ERBIN: variants seen among roughly 807,000 people sequenced by gnomAD.
The protein encoded by ERBIN is densin-180-like protein.
Under a neutral mutation model 158.4 loss-of-function variants are expected in ERBIN, and 60 were observed. That is an observed-to-expected ratio of 0.38 (90% CI 0.31 to 0.47). The LOEUF is 0.47. Among genes scored for constraint, ERBIN ranks in the 20% least tolerant of loss-of-function variants. The pLI, the probability that ERBIN is intolerant of heterozygous loss-of-function variation, is 0.99. For synonymous variants in ERBIN, 594 were observed against 557.2 expected (o/e 1.07, Z -0.93); for missense variants, 1,610 against 1,648.0 (o/e 0.98, Z 0.40).
intron 14 of ERBIN, among the ~76,000 whole-genome samples, chr5:66,037,876 A>G (rs1313611783): frequency 6.6e-6 from 1 of 152,156 alleles, no homozygotes; most frequent in Admixed American, 6.5e-5. Context: ...TACTGTAGAC[A>G]GGATACACAA....
chr5:65,927,869 T>G (rs1742854211), intron 1 of ERBIN, among the ~76,000 whole-genome samples: 1 of 152,206 alleles, frequency 6.6e-6, no homozygotes, highest in Non-Finnish European at 1.5e-5. Flanking sequence ...ACCCAAAGTT[T>G]TTTTCAGTGG....
chr5:65,996,493 G>A (rs960520683), intron 4 of ERBIN, among the ~76,000 whole-genome samples: 2 of 151,928 alleles, frequency 1.3e-5, no homozygotes, highest in African/African-American at 4.8e-5. Flanking sequence ...CTGTTCCATT[G>A]GTCTGTCTGT....
chr5:66,016,645 T>G (rs1055924800), intron 7 of ERBIN, among the ~76,000 whole-genome samples: 2 of 148,784 alleles, frequency 1.3e-5, no homozygotes, highest in African/African-American at 5.0e-5. Context: ...ACGGAGTCTC[T>G]CTCTGTCGCC....
At chr5:66,051,907 A>AAAAAAG (rs1554065281) in intron 20 of ERBIN, among the ~76,000 whole-genome samples, 1 of 148,770 alleles carries the variant, frequency 6.7e-6, no homozygotes, top group African/African-American at 2.6e-5. Context: ...AAAAAAAAAA[A>AAAAAAG]AGAGACAGAT....
intron 14 of ERBIN, among the ~76,000 whole-genome samples, chr5:66,028,739 G>T (rs1190722104): frequency 6.6e-6 from 1 of 152,090 alleles, no homozygotes; most frequent in African/African-American, 2.4e-5. Flanking sequence ...TAGAGCTCTT[G>T]AACTTATTCC....
At chr5:66,044,502 C>T (rs1469890147) in intron 17 of ERBIN, among the ~76,000 whole-genome samples, 192 bp downstream of exon 17, 1 of 152,120 alleles carries the variant, frequency 6.6e-6, no homozygotes, top group Non-Finnish European at 1.5e-5. Flanking sequence ...TGGTGGCTCA[C>T]ACCTCTAATC....
At chr5:66,063,549 G>T (rs1418330067) in intron 21 of ERBIN, among the ~76,000 whole-genome samples, 1 of 152,012 alleles carries the variant, frequency 6.6e-6, no homozygotes, top group East Asian at 1.9e-4. Context: ...CCACTGTTCT[G>T]CACCCACTGT....
chr5:66,053,798 A>G lies in ERBIN; in HGVS notation c.2480A>G (p.Glu827Gly). Residue 827 changes from glutamate to glycine, a missense_variant, in exon 21 of 26, where the codon GAG becomes GGG. Coordinates refer to ENST00000284037, the MANE Select transcript of ERBIN (RefSeq NM_001253697.2). ...GTAAATAAGGTAAATGGACATTCTGAGGAAACTTCCCAGTCTCCTAATAGG... is the reference window on the plus strand; with the variant it reads ...GTAAATAAGGTAAATGGACATTCTGGGGAAACTTCCCAGTCTCCTAATAGG... The part of the protein sequence containing the change: ...ESVNKVNGHS[E>G]ETSQSPNRTE... 1 of 1,613,952 alleles carries G rather than the reference A, an allele frequency of 6.2e-7. No homozygotes were observed. Among genetic ancestry groups the G allele is most frequent in the Non-Finnish European group, 8.5e-7 (1 of 1,180,004 alleles).
rs911336497 is a variant in ERBIN at position 65,952,956 on chromosome 5, C to CA, written c.-58+26159dup. Among the ~76,000 whole-genome samples, 46 of 151,440 alleles carry CA rather than the reference C, an allele frequency of 3.0e-4. No individual in the cohort carries two copies. The South Asian group carries it at 5.4e-3, about 18-fold the overall frequency. On this transcript the variant is annotated intron_variant, in intron 1 of 25. Coordinates refer to ENST00000284037, the MANE Select transcript of ERBIN (RefSeq NM_001253697.2). ...AAATCAATCTTAAAAAAGAACTTGC[C>CA]AAAAAAAAAGTTTCGTCCTCCTTCC...
intron 1 of ERBIN, among the ~76,000 whole-genome samples, chr5:65,948,224 C>G (rs1321886744): frequency 6.6e-6 from 1 of 151,908 alleles, no homozygotes; most frequent in Non-Finnish European, 1.5e-5. Context: ...CTCTGTGTCC[C>G]AGGCTGGAGT....
In ERBIN at chr5:66,053,642, C is replaced by G. The variant is rs1561430673; in HGVS notation, c.2324C>G (p.Thr775Arg). The G allele has an allele frequency of 1.2e-6, 2 of 1,612,784 alleles. No individual in the cohort carries two copies. Among genetic ancestry groups the G allele is most frequent in the South Asian group, 1.1e-5 (1 of 90,948 alleles). The change falls in exon 21 of 26, where the codon ACA (threonine) becomes AGA (arginine). Residue 775 changes from threonine (T) to arginine (R), a missense_variant. Around this residue, in one of 2 missense-constraint regions of ERBIN, gnomAD observed 1,014 missense variants for 936.1 expected, o/e 1.08. Coordinates refer to ENST00000284037, the MANE Select transcript of ERBIN (RefSeq NM_001253697.2). ...CTTAATAAACTTATAACTAATGATA[C>G]ATTTCAACCAGAGATCATGGAAAGA... is the stretch of plus-strand genomic sequence containing the variant. ...MNLNKLITND[T>R]FQPEIMERSK...
chr5:65,971,258 T>C (rs191651573), intron 1 of ERBIN, among the ~76,000 whole-genome samples: 1 of 152,018 alleles, frequency 6.6e-6, no homozygotes, highest in Non-Finnish European at 1.5e-5. Flanking sequence ...TTTTTTTTTT[T>C]CAGTGTTCAA....
At chr5:66,049,141 CTAGA>C in intron 19 of ERBIN, among the ~76,000 whole-genome samples, 1 of 152,152 alleles carries the variant, frequency 6.6e-6, no homozygotes, top group East Asian at 1.9e-4. Context: ...ATCAAATAGG[CTAGA>C]TAATGTATCT....
chr5:66,013,874 G>A (rs1580349470), intron 6 of ERBIN, among the ~76,000 whole-genome samples: 1 of 152,044 alleles, frequency 6.6e-6, no homozygotes, highest in African/African-American at 2.4e-5. Context: ...AAAACAGGGC[G>A]TTTCAATGGG....
At chr5:65,977,139 CG>C (rs1422756833) in intron 1 of ERBIN, among the ~76,000 whole-genome samples, 1 of 141,634 alleles carries the variant, frequency 7.1e-6, no homozygotes, top group African/African-American at 2.7e-5. Flanking sequence ...GCTGGCCGGG[CG>C]GGGGGCTGAC....
chr5:66,068,642 T>C lies in ERBIN; in HGVS notation c.3634-3527T>C, dbSNP rs530342496. Among the ~76,000 whole-genome samples the C allele has an allele frequency of 6.4e-4, 97 of 152,208 alleles. 1 individual carries two copies. Among genetic ancestry groups the C allele is most frequent in the Non-Finnish European group, 1.1e-3 (72 of 68,042 alleles). ...TAAAAGCAGTTATATGTCTGTACTTTCTTCCTTTGCTTAAACATGTGAATG... is the reference window on the plus strand; with the variant it reads ...TAAAAGCAGTTATATGTCTGTACTTCCTTCCTTTGCTTAAACATGTGAATG... On this transcript the variant is annotated intron_variant, in intron 21 of 25. Coordinates refer to ENST00000284037, the MANE Select transcript of ERBIN (RefSeq NM_001253697.2).
At chr5:66,024,940 C>T (rs1055856745) in intron 10 of ERBIN, among the ~76,000 whole-genome samples, 1 of 151,938 alleles carries the variant, frequency 6.6e-6, no homozygotes, top group African/African-American at 2.4e-5. Context: ...ATTTAAAAAC[C>T]AAAAATATTT....
intron 1 of ERBIN, among the ~76,000 whole-genome samples, chr5:65,955,245 C>T (rs779781011): frequency 6.6e-6 from 1 of 152,138 alleles, no homozygotes; most frequent in Admixed American, 6.5e-5. Flanking sequence ...ATTTTTGTGT[C>T]TACAAAGTAT....
At chr5:66,017,811 G>A (rs1233936601) in intron 7 of ERBIN, among the ~76,000 whole-genome samples, 2 of 152,086 alleles carry the variant, frequency 1.3e-5, no homozygotes, top group Non-Finnish European at 2.9e-5. Flanking sequence ...TAGCTTCATA[G>A]TTTCAGGTGT....
Sources: gnomAD v4.1 joint callset for allele counts (sites outside exome capture counted in the v4.1 genomes callset) on GRCh38, gnomAD v4.1.1 for gene constraint, gnomAD v4.1.1 regional missense constraint, MANE v1.5 for transcripts, NCBI Gene and HGNC (gene_info 2026-07-23, HGNC 2026-07-21) for gene names.